Variants in FFAR4 observed in about 807,000 individuals in gnomAD.
FFAR4 encodes the protein G-protein coupled receptor 120.
FFAR4 carries 19 observed loss-of-function variants against 27.0 expected under a neutral mutation model. The ratio of observed to expected loss-of-function variants is 0.70; its 90% CI spans 0.49 to 1.03. The LOEUF is 1.03. Ranked by LOEUF, FFAR4 falls within the 50% of genes least tolerant of loss-of-function variation. FFAR4 has a pLI of 0.00. For missense variants in FFAR4, 476 were observed against 479.0 expected, an observed-to-expected ratio of 0.99 and a Z score of 0.06; for synonymous variants, 254 against 215.6, an observed-to-expected ratio of 1.18 and a Z score of -1.56.
At chr10:93,572,581 A>G (rs1332256151) in intron 1 of FFAR4, among the ~76,000 whole-genome samples, 1 of 152,180 alleles carries the variant, frequency 6.6e-6, no homozygotes, top group Non-Finnish European at 1.5e-5. Context: ...CAATAGGTGG[A>G]TAAGTCAATG....
intron 2 of FFAR4, among the ~76,000 whole-genome samples, chr10:93,585,467 C>T (rs2058221761): frequency 6.6e-6 from 1 of 152,216 alleles, no homozygotes; most frequent in Admixed American, 6.5e-5. Context: ...TTAATGACAC[C>T]TATGTCTGAT....
intron 1 of FFAR4, among the ~76,000 whole-genome samples, chr10:93,572,379 G>A (rs537548505): frequency 1.2e-4 from 19 of 152,324 alleles, no homozygotes; most frequent in African/African-American, 4.6e-4. Context: ...GGAGCAGTGA[G>A]TGCTGTTCTG....
In FFAR4 at chr10:93,578,252, A is replaced by G. The variant is rs139775181; in HGVS notation, c.696+2033A>G. On this transcript the variant is annotated intron_variant, in intron 2 of 2. Coordinates refer to ENST00000371481, the MANE Select transcript of FFAR4 (RefSeq NM_001195755.2). ...GCCAACATGGTGAAAGCCCGTCTCT[A>G]CTAATAATACAAAAATCAGCCGGGC... Among the ~76,000 whole-genome samples, 90 of 152,040 alleles carry G rather than the reference A, an allele frequency of 5.9e-4. 1 individual carries two copies. Among genetic ancestry groups the G allele is most frequent in the African/African-American group, 1.9e-3 (78 of 41,474 alleles).
At chr10:93,575,583 C>A (rs1232027383) in intron 1 of FFAR4, among the ~76,000 whole-genome samples, 2 of 152,262 alleles carry the variant, frequency 1.3e-5, no homozygotes, top group African/African-American at 4.8e-5. Context: ...TGAGCACCCC[C>A]AGCATGAATA....
chr10:93,567,218 G>T lies in FFAR4; in HGVS notation c.498G>T (p.Ser166=), dbSNP rs377293659. ...TGCTGGCGCTCATCTGGGGCTATTC[G>T]GCGGTCGCCGCTCTGCCTCTCTGCG... is the stretch of plus-strand genomic sequence containing the variant. ...AVLLALIWGY[S]AVAALPLCVF... Residue 166 remains serine, a synonymous_variant, in exon 1 of 3, where the codon TCG becomes TCT. Transcript: ENST00000371481. 21 of 1,601,526 alleles carry T rather than the reference G, an allele frequency of 1.3e-5. No individual in the cohort carries two copies. Among genetic ancestry groups the T allele is most frequent in the Non-Finnish European group, 1.8e-5 (21 of 1,179,474 alleles).
intron 1 of FFAR4, among the ~76,000 whole-genome samples, chr10:93,574,853 C>T (rs1230029486): frequency 1.3e-5 from 2 of 151,982 alleles, no homozygotes; most frequent in Admixed American, 6.6e-5. Flanking sequence ...GAGCCGAGAT[C>T]GCGCCACCGC....
At chr10:93,576,344 C>G in intron 2 of FFAR4, 125 bp downstream of exon 2, 1 of 937,934 alleles carries the variant, frequency 1.1e-6, no homozygotes, top group Non-Finnish European at 1.7e-6. Context: ...GATTCACTGC[C>G]CAGGTCTACA....
At chr10:93,569,516 A>T (rs2058120035) in intron 1 of FFAR4, among the ~76,000 whole-genome samples, 1 of 152,038 alleles carries the variant, frequency 6.6e-6, no homozygotes, top group Admixed American at 6.6e-5. Context: ...GTGCTTCCAG[A>T]GTGGCCACAG....
intron 2 of FFAR4, among the ~76,000 whole-genome samples, chr10:93,581,780 C>T (rs559249218): frequency 2.5e-4 from 38 of 152,230 alleles, no homozygotes; most frequent in African/African-American, 8.9e-4. Context: ...TCTGAAGGGG[C>T]CCCCCAGCAT....
At chr10:93,583,477 G>A (rs994402930) in intron 2 of FFAR4, among the ~76,000 whole-genome samples, 21 of 151,764 alleles carry the variant, frequency 1.4e-4, no homozygotes, top group South Asian at 4.2e-4. Flanking sequence ...GGCAACTGTC[G>A]CATGAGTGCC....
At chr10:93,586,855 G>C (rs2058230240) in intron 2 of FFAR4, among the ~76,000 whole-genome samples, 2 of 152,176 alleles carry the variant, frequency 1.3e-5, no homozygotes. Flanking sequence ...TTCTTCATTT[G>C]TTCCCCATCA....
In FFAR4 at chr10:93,567,010, C is replaced by T; in HGVS notation, c.290C>T (p.Ala97Val). The change falls in exon 1 of 3, where the codon GCC becomes GTC. Residue 97 changes from alanine (A) to valine (V), a missense_variant. Transcript: ENST00000371481. ...LFISAIPLVL[A>V]VRWTEAWLLG... ...ATCAGCGCTATCCCTCTGGTGCTGG[C>T]CGTGCGCTGGACTGAGGCCTGGCTG... 6.2e-7 allele frequency: 1 copy of T among 1,611,818 alleles called. No homozygotes were observed.
In FFAR4 at chr10:93,578,948, G is replaced by A. The variant is rs79369125; in HGVS notation, c.696+2729G>A. Among the ~76,000 whole-genome samples the A allele has an allele frequency of 4.8e-3, 734 of 152,178 alleles. 4 individuals carry two copies. Among genetic ancestry groups the A allele is most frequent in the African/African-American group, 0.016 (671 of 41,506 alleles). On this transcript the variant is annotated intron_variant, in intron 2 of 2. Transcript: ENST00000371481. ...GGCTCTGGTCTGCCCCTTTTCACTC[G>A]TACCTCACGCTTCTCAGCTGCCTGC...
At chr10:93,569,686 G>C (rs913823969) in intron 1 of FFAR4, among the ~76,000 whole-genome samples, 3 of 152,008 alleles carry the variant, frequency 2.0e-5, no homozygotes, top group Non-Finnish European at 4.4e-5. Context: ...GTGCACTGGG[G>C]GCCAGGTGAG....
intron 2 of FFAR4, among the ~76,000 whole-genome samples, chr10:93,586,821 A>C (rs1215351243): frequency 6.6e-6 from 1 of 152,206 alleles, no homozygotes; most frequent in East Asian, 1.9e-4. Context: ...CAGGGTGGAA[A>C]TAGAGGGTAG....
chr10:93,571,907 T>C (rs1302695975), intron 1 of FFAR4, among the ~76,000 whole-genome samples: 1 of 152,106 alleles, frequency 6.6e-6, no homozygotes, highest in Non-Finnish European at 1.5e-5. Context: ...GAGAGACTGA[T>C]AGGCAAACAG....
intron 2 of FFAR4, among the ~76,000 whole-genome samples, chr10:93,577,107 C>T (rs917728658): frequency 5.3e-5 from 8 of 152,146 alleles, no homozygotes; most frequent in Admixed American, 2.6e-4. Flanking sequence ...ATAAAAAGGA[C>T]GAGTCAGCCT....
intron 1 of FFAR4, among the ~76,000 whole-genome samples, chr10:93,569,028 A>T (rs1397873559): frequency 6.6e-6 from 1 of 152,174 alleles, no homozygotes; most frequent in Non-Finnish European, 1.5e-5. Context: ...CCTGAGAATC[A>T]AGGTGGGCCA....
chr10:93,577,016 C>T (rs2058168006), intron 2 of FFAR4, among the ~76,000 whole-genome samples: 1 of 152,148 alleles, frequency 6.6e-6, no homozygotes, highest in African/African-American at 2.4e-5. Flanking sequence ...GCTACTCCAC[C>T]CACCCCCAGG....
Sources: allele counts gnomAD v4.1 joint callset (sites outside exome capture counted in the v4.1 genomes callset), GRCh38; gene constraint gnomAD v4.1.1; transcripts MANE v1.5; gene names NCBI Gene and HGNC (gene_info 2026-07-23, HGNC 2026-07-21).